Variants in ATM observed in about 807,000 individuals in gnomAD.
ATM encodes the protein serine-protein kinase ATM.
Under a neutral mutation model 387.0 loss-of-function variants are expected in ATM, and 308 were observed. The ratio of observed to expected loss-of-function variants is 0.80; its 90% confidence interval spans 0.73 to 0.87. The LOEUF is 0.87. ATM is among the 40% of genes least tolerant of loss of function. The probability of loss-of-function intolerance (pLI) is 0.00; values close to 1 mark genes in which losing one functional copy is unlikely to be tolerated. For missense variants in ATM, 3,312 were observed against 3,560.9 expected (o/e 0.93, Z 1.78); for synonymous variants, 1,156 against 1,187.3 (o/e 0.97, Z 0.54).
At chr11:108,315,354 G>A (rs1406977981) in intron 40 of ATM, among the ~76,000 whole-genome samples, 1 of 152,148 alleles carries the variant, frequency 6.6e-6, no homozygotes, top group African/African-American at 2.4e-5. Flanking sequence ...ATAATGCTGT[G>A]TACAGTGTGT....
intron 28 of ATM, 27 bp from the exon 29 acceptor site, chr11:108,289,575 T>G (rs2082667543): frequency 4.5e-6 from 7 of 1,568,770 alleles, no homozygotes; most frequent in Non-Finnish European, 6.1e-6. Context: ...ATTAAACAAG[T>G]TTTTACTAAA....
At chr11:108,364,199 T>C (rs1440717317) in intron 61 of ATM, among the ~76,000 whole-genome samples, 1 of 152,198 alleles carries the variant, frequency 6.6e-6, no homozygotes, top group African/African-American at 2.4e-5. Context: ...ACTGAGAAAC[T>C]GTATACAGAT....
At chr11:108,260,343 C>G (rs959652771) in intron 16 of ATM, among the ~76,000 whole-genome samples, 1 of 152,092 alleles carries the variant, frequency 6.6e-6, no homozygotes, top group Non-Finnish European at 1.5e-5. Context: ...CCAAAAAGCC[C>G]ATCTGCTCTT....
intron 49 of ATM, 106 bp from the exon 50 acceptor site, chr11:108,330,108 G>C (rs2086095348): frequency 3.1e-6 from 4 of 1,287,284 alleles, no homozygotes; most frequent in Non-Finnish European, 3.3e-6. Flanking sequence ...TTTTTCCCTG[G>C]GATAAAAACC....
At position 108,229,275 on chromosome 11, in the gene ATM, C is replaced by A. The variant is rs587781545; in HGVS notation, c.283C>A (p.Gln95Lys). 29 of 1,613,328 alleles carry A rather than the reference C, an allele frequency of 1.8e-5. 1 individual carries two copies. In the East Asian group the frequency reaches 6.2e-4, roughly 35 times the overall value. ...ACAAGCCTCCAGGCAGAAAAAGATG[C>A]AGGAAATCAGTAGTTTGGTCAAATA... Reference protein sequence around the residue: ...STQASRQKKMQEISSLVKYFI... With the variant: ...STQASRQKKMKEISSLVKYFI... The change falls in exon 4 of 63, where the codon CAG (glutamine) becomes AAG (lysine). Residue 95 changes from glutamine to lysine, a missense_variant. Coordinates refer to ENST00000675843, the MANE Select transcript of ATM (RefSeq NM_000051.4).
At chr11:108,329,692 T>A (rs1268708316) in intron 49 of ATM, among the ~76,000 whole-genome samples, 1 of 152,346 alleles carries the variant, frequency 6.6e-6, no homozygotes, top group African/African-American at 2.4e-5. Flanking sequence ...ATTACAGGTG[T>A]GAGGCACTGT....
Position 108,293,303 on chromosome 11 carries a change from T to C in ATM, c.4612-10T>C, listed in dbSNP as rs2135809073. ...CTCCTTATAATTTTTTCTTTTTAAA[T>C]TATATTTAGGTATTGGACTTGTTGA... On this transcript the variant is annotated splice_polypyrimidine_tract_variant and intron_variant, in intron 30 of 62. Coordinates refer to ENST00000675843, the MANE Select transcript of ATM (RefSeq NM_000051.4). The C allele has an allele frequency of 6.9e-7, 1 of 1,446,382 alleles. No individual in the cohort carries two copies. Among genetic ancestry groups the C allele is most frequent in the Non-Finnish European group, 9.4e-7 (1 of 1,064,614 alleles). The allele number at this position is 1,446,382 out of a possible 1,614,324, so 89.6% of individuals were successfully genotyped here. A position where few individuals can be genotyped will look rare whatever the true frequency, so the allele number is the denominator to read the frequency against.
rs559676197 is a variant in ATM, at chr11:108,271,317, T to C, written c.2988T>C (p.His996=). ...AAACTATTTTAAACCATGTCCTTCA[T>C]GTAGTGAAAAACCTAGGTCAAAGCA... ...VCKTILNHVL[H]VVKNLGQSNM... The change falls in exon 20 of 63, where the codon CAT becomes CAC. Residue 996 remains histidine (H), a synonymous_variant. Coordinates refer to ENST00000675843, the MANE Select transcript of ATM (RefSeq NM_000051.4). 1.9e-6 allele frequency: 3 copies of C among 1,614,024 alleles called. 1 individual carries two copies. Among genetic ancestry groups the C allele is most frequent in the East Asian group, 2.2e-5 (1 of 44,844 alleles).
At chr11:108,277,513 C>G (rs1042894187) in intron 22 of ATM, among the ~76,000 whole-genome samples, 7 of 152,296 alleles carry the variant, frequency 4.6e-5, no homozygotes, top group African/African-American at 1.7e-4. Flanking sequence ...CCAAGGGAAT[C>G]TCTTGGTCTG....
At chr11:108,260,756 A>T (rs2080818048) in intron 16 of ATM, among the ~76,000 whole-genome samples, 1 of 152,170 alleles carries the variant, frequency 6.6e-6, no homozygotes, top group Non-Finnish European at 1.5e-5. Flanking sequence ...GGAGTGCCAG[A>T]CAGTGGGCGC....
At chr11:108,304,913 A>G (rs989350235) in intron 37 of ATM, 61 bp downstream of exon 37, 21 of 1,558,716 alleles carry the variant, frequency 1.3e-5, no homozygotes, top group Non-Finnish European at 1.6e-5. Context: ...AGATGGATTT[A>G]AGATGGAATC....
At chr11:108,295,302 T>C in intron 32 of ATM, 1 of 457,116 alleles carries the variant, frequency 2.2e-6, no homozygotes, top group Non-Finnish European at 3.9e-6. Flanking sequence ...CATGTTTTTC[T>C]ACTGCCTAAA....
At chr11:108,350,772 G>A (rs1565574196) in intron 59 of ATM, among the ~76,000 whole-genome samples, 2 of 152,148 alleles carry the variant, frequency 1.3e-5, no homozygotes, top group Non-Finnish European at 2.9e-5. Context: ...TCTGGAAGAT[G>A]CAAATTAGAG....
At chr11:108,329,692 T>G (rs1268708316) in intron 49 of ATM, among the ~76,000 whole-genome samples, 1 of 152,228 alleles carries the variant, frequency 6.6e-6, no homozygotes, top group Non-Finnish European at 1.5e-5. Flanking sequence ...ATTACAGGTG[T>G]GAGGCACTGT....
rs1324524747 is a variant in ATM at position 108,250,819 on chromosome 11, A to G, written c.1354A>G (p.Thr452Ala). 8 of 1,614,094 alleles carry G rather than the reference A, an allele frequency of 5.0e-6. No homozygotes were observed. The highest frequency in any genetic ancestry group is 5.9e-6 in the Non-Finnish European group (7 of 1,180,034). ...LLPQQRHGER[T>A]PYVLRCLTEV... is the part of the protein sequence containing the mutation. ...ACCCCAACAGCGACATGGGGAACGT[A>G]CACCATATGTGTTACGATGCCTTAC... is the stretch of plus-strand genomic sequence containing the variant. Residue 452 changes from threonine (T) to alanine (A), a missense_variant, in exon 10 of 63, where the codon ACA (threonine) becomes GCA (alanine). By Grantham distance (58) the Thr-to-Ala change is moderately conservative (BLOSUM62 0). Coordinates refer to ENST00000675843, the MANE Select transcript of ATM (RefSeq NM_000051.4).
chr11:108,238,325 TA>T lies in ATM; in HGVS notation c.496+2499del, dbSNP rs577281243. Among the ~76,000 whole-genome samples the T allele has an allele frequency of 2.3e-3, 350 of 151,842 alleles. 1 individual carries two copies. The highest frequency in any genetic ancestry group is 7.7e-3 in the African/African-American group (320 of 41,432). On this transcript the variant is annotated intron_variant, in intron 5 of 62. Transcript: ENST00000675843. ...ATTTTTTTTCTTTAATTTTATATAT[TA>T]AAAAAAATAGAGACAGGATCTCACT... is the stretch of plus-strand genomic sequence containing the variant.
chr11:108,301,329 G>C (rs2083421288), intron 34 of ATM, among the ~76,000 whole-genome samples: 1 of 152,076 alleles, frequency 6.6e-6, no homozygotes, highest in Non-Finnish European at 1.5e-5. Context: ...TGGACAAAAG[G>C]ATTCCCAGAA....
chr11:108,261,108 G>T lies in ATM; in HGVS notation c.2466+2033G>T, dbSNP rs950387787. 9.3e-5 allele frequency among the ~76,000 whole-genome samples: 14 copies of T among 150,384 alleles called. No homozygotes were observed. In the East Asian group the frequency reaches 2.0e-3, roughly 21 times the overall value. ...GCTTGATTAGGTAAACAAAGCAGCC[G>T]GGAAGCTCGAACTAGGTGGAGCCCA... On this transcript the variant is annotated intron_variant, in intron 16 of 62. Coordinates refer to ENST00000675843, the MANE Select transcript of ATM (RefSeq NM_000051.4).
At position 108,249,077 on chromosome 11, in the gene ATM, C is replaced by G. The variant is rs730881340; in HGVS notation, c.1210C>G (p.Gln404Glu). ...AATAAAAGATCACCTTCAGAAGTCACAGAATGATTTTGATCTTGTGCCTTG... is the reference window on the plus strand; with the variant it reads ...AATAAAAGATCACCTTCAGAAGTCAGAGAATGATTTTGATCTTGTGCCTTG... Reference protein sequence around the residue: ...EVIKDHLQKSQNDFDLVPWLQ... With the variant: ...EVIKDHLQKSENDFDLVPWLQ... Residue 404 changes from glutamine (Q) to glutamate (E), a missense_variant, in exon 9 of 63, where the codon CAG becomes GAG. Coordinates refer to ENST00000675843, the MANE Select transcript of ATM (RefSeq NM_000051.4). The G allele has an allele frequency of 3.1e-6, 5 of 1,613,980 alleles. No homozygotes were observed. The South Asian group carries it at 3.3e-5, about 11-fold the overall frequency.
Sources: gnomAD v4.1 joint callset for allele counts (sites outside exome capture counted in the v4.1 genomes callset) on GRCh38, gnomAD v4.1.1 for gene constraint, MANE v1.5 for transcripts, NCBI Gene and HGNC (gene_info 2026-07-23, HGNC 2026-07-21) for gene names.